Variants in E2F8 observed in about 807,000 individuals in gnomAD.
E2F8 encodes the protein E2F transcription factor 8.
E2F8 carries 35 observed loss-of-function variants against 80.8 expected under a neutral mutation model. That is an observed-to-expected ratio of 0.43 (90% CI 0.33 to 0.57). The LOEUF (loss-of-function observed/expected upper bound fraction) is 0.57. E2F8 is among the 20% of genes least tolerant of loss of function. The pLI is 0.04. For missense variants in E2F8, 975 were observed against 1,056.2 expected (o/e 0.92, Z 1.07); for synonymous variants, 386 against 395.0 (o/e 0.98, Z 0.27).
intron 6 of E2F8, among the ~76,000 whole-genome samples, chr11:19,232,609 G>C (rs891539660): frequency 2.6e-5 from 4 of 151,822 alleles, no homozygotes; most frequent in Non-Finnish European, 4.4e-5. Flanking sequence ...AATAGCATAC[G>C]TTGACAAAGG....
intron 5 of E2F8, 43 bp downstream of exon 5, chr11:19,234,701 G>A: frequency 1.3e-6 from 2 of 1,574,796 alleles, no homozygotes; most frequent in East Asian, 2.2e-5. Context: ...TTAGACAGAG[G>A]ACAAATGCCA....
chr11:19,237,752 G>A (rs746877920), intron 3 of E2F8, 102 bp downstream of exon 3: 8 of 1,438,648 alleles, frequency 5.6e-6, no homozygotes, highest in African/African-American at 1.4e-5. Flanking sequence ...AACAGCCTTC[G>A]GGTGGTGATG....
Position 19,224,548 on chromosome 11 carries a change from C to A in E2F8, c.*110G>T. 1 of 1,081,426 alleles carries A rather than the reference C, an allele frequency of 9.2e-7. No individual in the cohort carries two copies. The highest frequency in any genetic ancestry group is 1.3e-6 in the Non-Finnish European group (1 of 760,608). 67.0% of individuals were successfully genotyped at this position (1,081,426 alleles called of 1,614,324 possible). ...CTATCTGATTTCACATTGAACAAAT[C>A]CCCAACGTATTTACAGTATTTTCAG... On this transcript the variant is annotated 3_prime_UTR_variant, in exon 13 of 13. Coordinates refer to ENST00000250024, the MANE Select transcript of E2F8 (RefSeq NM_024680.4).
At chr11:19,238,268 T>G (rs1183256379) in intron 2 of E2F8, 136 bp from the exon 3 acceptor site, 1 of 833,818 alleles carries the variant, frequency 1.2e-6, no homozygotes, top group Non-Finnish European at 1.8e-6. Context: ...TTGAGGAAAT[T>G]AATAACTGTA....
At chr11:19,234,684 C>A in intron 5 of E2F8, 60 bp downstream of exon 5, 3 of 1,553,762 alleles carry the variant, frequency 1.9e-6, no homozygotes, top group Non-Finnish European at 2.6e-6. Flanking sequence ...TCCACAGAAC[C>A]TTTTCCTTAG....
rs543362395 is a variant in E2F8, at chr11:19,238,152, T to C, written c.16-20A>G. On this transcript the variant is annotated intron_variant, in intron 2 of 12. Transcript: ENST00000250024. ...ATTTTCCTGGTTTAAAAAATGTAAA[T>C]AATTAAATCCATGGTAAAACAGGAT... 144 of 1,590,348 alleles carry C rather than the reference T, an allele frequency of 9.1e-5. No homozygotes were observed. Among genetic ancestry groups the C allele is most frequent in the Non-Finnish European group, 1.2e-4 (139 of 1,169,802 alleles).
intron 6 of E2F8, 78 bp downstream of exon 6, chr11:19,234,282 A>G (rs917695089): frequency 6.6e-7 from 1 of 1,510,806 alleles, no homozygotes; most frequent in Middle Eastern, 1.8e-4. Context: ...TATGTTTCCT[A>G]ATTTGGAAAT....
At chr11:19,232,163 ACT>A in intron 7 of E2F8, 69 bp downstream of exon 7, 1 of 1,581,558 alleles carries the variant, frequency 6.3e-7, no homozygotes, top group South Asian at 1.2e-5. Context: ...AACAACACAC[ACT>A]GGAAATTAAA....
In E2F8 at chr11:19,230,857, A is replaced by T. The variant is rs764095604; in HGVS notation, c.1067-23T>A. 7 of 1,610,932 alleles carry T rather than the reference A, an allele frequency of 4.3e-6. No individual in the cohort carries two copies. The Admixed American group carries it at 8.4e-5, about 19-fold the overall frequency. ...AGCCTGAAACAGAAAACGTCTGTGT[A>T]TTAAAACCTGGATGGCTCAGTTGGC... is the stretch of plus-strand genomic sequence containing the variant. On this transcript the variant is annotated intron_variant, in intron 7 of 12. Transcript: ENST00000250024.
intron 2 of E2F8, among the ~76,000 whole-genome samples, chr11:19,238,397 G>A (rs968438059): frequency 5.3e-5 from 8 of 152,184 alleles, no homozygotes; most frequent in Non-Finnish European, 8.8e-5. Flanking sequence ...AACAACTTTA[G>A]TTAGGACTTA....
chr11:19,235,958 A>G (rs1851507784), intron 4 of E2F8, among the ~76,000 whole-genome samples: 2 of 152,232 alleles, frequency 1.3e-5, no homozygotes, highest in South Asian at 4.1e-4. Flanking sequence ...CATTAACAAT[A>G]TGATATTAGT....
rs1434732999 is a variant in E2F8, at chr11:19,224,471, G to A, written c.*187C>T. On this transcript the variant is annotated 3_prime_UTR_variant, in exon 13 of 13. Coordinates refer to ENST00000250024, the MANE Select transcript of E2F8 (RefSeq NM_024680.4). ...TAAACTTAGCTTTATACAAATATAT[G>A]TGTGTGTGTGTGTGTGTGTGTGTGT... is the stretch of plus-strand genomic sequence containing the variant. 3.7e-4 allele frequency: 54 copies of A among 147,878 alleles called. No homozygotes were observed. The highest frequency in any genetic ancestry group is 1.6e-3 in the South Asian group (15 of 9,318). 9.2% of individuals were successfully genotyped at this position (147,878 alleles called of 1,614,324 possible). A position where few individuals can be genotyped will look rare whatever the true frequency, so the allele number is the denominator to read the frequency against.
In E2F8 at chr11:19,232,318, T is replaced by C; in HGVS notation, c.982A>G (p.Ile328Val). The C allele has an allele frequency of 6.2e-7, 1 of 1,614,202 alleles. No homozygotes were observed. Among genetic ancestry groups the C allele is most frequent in the Non-Finnish European group, 8.5e-7 (1 of 1,180,036 alleles). ...IANVLSSLDL[I>V]KKVHVTEERG... Reference sequence around the variant, plus strand: ...TCCTCTGTAACATGAACTTTCTTGATAAGATCCAGGCTACTCAGAACATTA... The same window carrying C: ...TCCTCTGTAACATGAACTTTCTTGACAAGATCCAGGCTACTCAGAACATTA... Residue 328 changes from isoleucine to valine, a missense_variant, in exon 7 of 13, where the codon ATC becomes GTC. Coordinates refer to ENST00000250024, the MANE Select transcript of E2F8 (RefSeq NM_024680.4).
In E2F8 at chr11:19,234,301, G is replaced by T; in HGVS notation, c.928+59C>A. On this transcript the variant is annotated intron_variant, in intron 6 of 12. Coordinates refer to ENST00000250024, the MANE Select transcript of E2F8 (RefSeq NM_024680.4). ...TTTCCTAATTTGGAAATGAGTTTAC[G>T]ACTGAGATTTTATTGTTTAAGAATA... 3 of 1,579,694 alleles carry T rather than the reference G, an allele frequency of 1.9e-6. No individual in the cohort carries two copies. In the South Asian group the frequency reaches 3.5e-5, roughly 18 times the overall value.
At chr11:19,238,930 G>A (rs1459998001) in intron 2 of E2F8, among the ~76,000 whole-genome samples, 3 of 152,188 alleles carry the variant, frequency 2.0e-5, no homozygotes, top group Non-Finnish European at 4.4e-5. Context: ...CTAGATCCTG[G>A]CAGAAGCAGG....
chr11:19,241,160 C>T (rs542098190), upstream of E2F8, among the ~76,000 whole-genome samples: 52 of 152,324 alleles, frequency 3.4e-4, no homozygotes, highest in Admixed American at 9.1e-4. The surrounding 1 kb of genome is among the most constrained non-coding windows in gnomAD (Gnocchi z 4.5). Flanking sequence ...AAAGTCGGAC[C>T]GTGGCCGGCG....
rs1203213782 is a variant in E2F8, at chr11:19,225,137, A to G, written c.2421+84T>C. 2.6e-6 allele frequency: 4 copies of G among 1,521,148 alleles called. No homozygotes were observed. The African/African-American group carries it at 5.6e-5, about 21-fold the overall frequency. The allele number at this position is 1,521,148 out of a possible 1,614,324, so 94.2% of individuals were successfully genotyped here. On this transcript the variant is annotated intron_variant, in intron 12 of 12. Transcript: ENST00000250024. ...CCATCCTTTCCCTCTCCAAAGAGGA[A>G]AAGCAAAAGCCAATCTCTTATGACA...
intron 3 of E2F8, 73 bp from the exon 4 acceptor site, chr11:19,237,543 C>T (rs893042738): frequency 2.8e-5 from 42 of 1,474,298 alleles, no homozygotes; most frequent in Middle Eastern, 2.2e-4. Context: ...CATCTGTGCT[C>T]GATGACTGAC....
chr11:19,234,824 T>C lies in E2F8; in HGVS notation c.686A>G (p.His229Arg). 1 of 1,614,242 alleles carries C rather than the reference T, an allele frequency of 6.2e-7. No individual in the cohort carries two copies. Among genetic ancestry groups the C allele is most frequent in the Non-Finnish European group, 8.5e-7 (1 of 1,180,040 alleles). The stretch of plus-strand genomic sequence containing the variant: ...TGGGCCAGTGTTTGATTTGATGATA[T>C]GATCCTCTATACTGTAACTCTTAAT... ...DFIKSYSIED[H>R]IIKSNTGPNG... The change falls in exon 5 of 13, where the codon CAT becomes CGT. Residue 229 changes from histidine (H) to arginine (R), a missense_variant. Physicochemically the swap from His to Arg is conservative, Grantham distance 29. Coordinates refer to ENST00000250024, the MANE Select transcript of E2F8 (RefSeq NM_024680.4).
Sources: allele counts gnomAD v4.1 joint callset (sites outside exome capture counted in the v4.1 genomes callset), GRCh38; gene constraint gnomAD v4.1.1; non-coding constraint Gnocchi (gnomAD v3.1); transcripts MANE v1.5; gene names NCBI Gene and HGNC (gene_info 2026-07-23, HGNC 2026-07-21).